HPCAL1: variants seen among roughly 807,000 people sequenced by gnomAD.
HPCAL1 encodes hippocalcin-like protein 1.
A neutral mutation model predicts 17.1 loss-of-function variants in HPCAL1; 8 were observed. The observed-to-expected ratio is 0.47, with a 90% confidence interval of 0.27 to 0.84. HPCAL1 has a LOEUF of 0.84. Ranked by LOEUF, HPCAL1 falls within the 40% of genes least tolerant of loss-of-function variation. HPCAL1 has a pLI of 0.13. For synonymous variants in HPCAL1, 112 were observed against 111.4 expected, an observed-to-expected ratio of 1.01 and a Z score of -0.03; for missense variants, 165 against 271.1, an observed-to-expected ratio of 0.61 and a Z score of 2.75.
chr2:10,348,255 G>A (rs1481781362), intron 1 of HPCAL1, among the ~76,000 whole-genome samples: 3 of 152,110 alleles, frequency 2.0e-5, no homozygotes, highest in African/African-American at 7.2e-5. Flanking sequence ...TTCAAGACCA[G>A]CCTGCCAACA....
chr2:10,322,863 G>A (rs528286813), intron 1 of HPCAL1, among the ~76,000 whole-genome samples: 93 of 152,290 alleles, frequency 6.1e-4, no homozygotes, highest in African/African-American at 1.9e-3. Flanking sequence ...CTAAGCCACC[G>A]CTTGTCACGT....
rs893912497 is a variant in HPCAL1, at chr2:10,310,132, C to T, written c.-111+6955C>T. Among the ~76,000 whole-genome samples the T allele has an allele frequency of 6.6e-6, 1 of 152,070 alleles. No homozygotes were observed. Among genetic ancestry groups the T allele is most frequent in the Non-Finnish European group, 1.5e-5 (1 of 68,020 alleles). On this transcript the variant is annotated intron_variant, in intron 1 of 4. Transcript: ENST00000307845. This position sits in a 1 kb window ranked among gnomAD's most constrained non-coding sequence, Gnocchi z 4.5. ...TGAGCTCAGATATTGACAGGAACTACAATTCAAACCCAGGTCTGCAGATGT... is the reference window on the plus strand; with the variant it reads ...TGAGCTCAGATATTGACAGGAACTATAATTCAAACCCAGGTCTGCAGATGT...
chr2:10,375,096 A>G (rs1196786979), intron 1 of HPCAL1, among the ~76,000 whole-genome samples: 2 of 152,138 alleles, frequency 1.3e-5, no homozygotes, highest in African/African-American at 4.8e-5. Context: ...AAAGTCACAG[A>G]AGAGAAAAGA....
intron 2 of HPCAL1, among the ~76,000 whole-genome samples, chr2:10,402,659 A>G (rs1016886317): frequency 3.9e-5 from 6 of 152,170 alleles, no homozygotes; most frequent in African/African-American, 1.4e-4. Flanking sequence ...TATTGTTTTT[A>G]TTGCTTCCCA....
chr2:10,427,030 C>T lies in HPCAL1; in HGVS notation c.*209C>T, dbSNP rs1671458399. 2 of 572,644 alleles carry T rather than the reference C, an allele frequency of 3.5e-6. No homozygotes were observed. Among genetic ancestry groups the T allele is most frequent in the Non-Finnish European group, 6.3e-6 (2 of 318,726 alleles). 35.5% of individuals were successfully genotyped at this position (572,644 alleles called of 1,614,324 possible). On this transcript the variant is annotated 3_prime_UTR_variant, in exon 5 of 5. Transcript: ENST00000307845. The stretch of plus-strand genomic sequence containing the variant: ...CCCCTCACGCCTGGCCCGGTCCCTT[C>T]CAGGGCAACTCCCAGGGATGTGGTG...
rs1668983761 is a variant in HPCAL1, at chr2:10,395,772, C to T, written c.-110-1063C>T. Among the ~76,000 whole-genome samples, 2 of 152,232 alleles carry T rather than the reference C, an allele frequency of 1.3e-5. No homozygotes were observed. The highest frequency in any genetic ancestry group is 4.1e-4 in the South Asian group (2 of 4,822). On this transcript the variant is annotated intron_variant, in intron 1 of 4. Coordinates refer to ENST00000307845, the MANE Select transcript of HPCAL1 (RefSeq NM_002149.4). The surrounding 1 kb of genome is among the most constrained non-coding windows in gnomAD (Gnocchi z 4.4). ...CACATGATCTTGCAGGTAATTAGCT[C>T]CTGTAAGCCTCCATTTTTCCCCGTC...
In HPCAL1 at chr2:10,427,457, C is replaced by T. The variant is rs1671493077; in HGVS notation, c.*636C>T. The T allele has an allele frequency of 6.6e-6, 1 of 152,376 alleles. No homozygotes were observed. Among genetic ancestry groups the T allele is most frequent in the Non-Finnish European group, 1.5e-5 (1 of 68,184 alleles). 9.4% of individuals were successfully genotyped at this position (152,376 alleles called of 1,614,324 possible). A position where few individuals can be genotyped will look rare whatever the true frequency, so the allele number is the denominator to read the frequency against. ...CTGGCTGTTGTGTGGTATTTATGCT[C>T]TCTTTGTCTGCCTGTTTCTAAGGAA... On this transcript the variant is annotated 3_prime_UTR_variant, in exon 5 of 5. Transcript: ENST00000307845.
Position 10,394,474 on chromosome 2 carries a change from G to T in HPCAL1, c.-110-2361G>T, listed in dbSNP as rs183022516. Among the ~76,000 whole-genome samples, 1 of 152,326 alleles carries T rather than the reference G, an allele frequency of 6.6e-6. No individual in the cohort carries two copies. Among genetic ancestry groups the T allele is most frequent in the Admixed American group, 6.5e-5 (1 of 15,302 alleles). On this transcript the variant is annotated intron_variant, in intron 1 of 4. Coordinates refer to ENST00000307845, the MANE Select transcript of HPCAL1 (RefSeq NM_002149.4). The surrounding 1 kb of genome is among the most constrained non-coding windows in gnomAD (Gnocchi z 5.0). Reference sequence around the variant, plus strand: ...TGGCTGAGATCATCGATTTGAAAACGCCGTGAGAAAATATGGGGCAAGGCA... The same window carrying T: ...TGGCTGAGATCATCGATTTGAAAACTCCGTGAGAAAATATGGGGCAAGGCA...
Position 10,305,310 on chromosome 2 carries a change from T to C in HPCAL1, c.-111+2133T>C, listed in dbSNP as rs548325965. 4.6e-5 allele frequency among the ~76,000 whole-genome samples: 7 copies of C among 152,362 alleles called. No homozygotes were observed. The South Asian group carries it at 8.3e-4, about 18-fold the overall frequency. The stretch of plus-strand genomic sequence containing the variant: ...TTTGTGTTTTGTTTTGTTTTTGTTT[T>C]TTTCTAGTTAAAGCCAGCCCTTTGT... On this transcript the variant is annotated intron_variant, in intron 1 of 4. Coordinates refer to ENST00000307845, the MANE Select transcript of HPCAL1 (RefSeq NM_002149.4).
intron 1 of HPCAL1, among the ~76,000 whole-genome samples, chr2:10,355,045 A>T (rs1452598617): frequency 2.6e-5 from 4 of 152,232 alleles, no homozygotes; most frequent in Non-Finnish European, 5.9e-5. Context: ...CAAAGTGGGC[A>T]TGTGTACCAT....
Position 10,330,849 on chromosome 2 carries a change from G to T in HPCAL1, c.-111+27672G>T, listed in dbSNP as rs6716076. On this transcript the variant is annotated intron_variant, in intron 1 of 4. Coordinates refer to ENST00000307845, the MANE Select transcript of HPCAL1 (RefSeq NM_002149.4). This position sits in a 1 kb window ranked among gnomAD's most constrained non-coding sequence, Gnocchi z 4.2. ...CAGTGTGTCTCCGACTGCGGACCCC[G>T]ATCATCTTTGTGAGAATGCAGGTTC... Among the ~76,000 whole-genome samples the T allele has an allele frequency of 6.6e-6, 1 of 152,178 alleles. No individual in the cohort carries two copies. Among genetic ancestry groups the T allele is most frequent in the Non-Finnish European group, 1.5e-5 (1 of 68,030 alleles).
intron 1 of HPCAL1, among the ~76,000 whole-genome samples, chr2:10,340,238 T>C (rs1289301613): frequency 2.6e-5 from 4 of 152,170 alleles, no homozygotes; most frequent in African/African-American, 7.2e-5. Flanking sequence ...GCTTAACATC[T>C]CTGATCCCAG....
chr2:10,328,647 A>T (rs897317907), intron 1 of HPCAL1, among the ~76,000 whole-genome samples: 2 of 150,818 alleles, frequency 1.3e-5, no homozygotes, highest in Non-Finnish European at 3.0e-5. Context: ...AGCTGGAGTG[A>T]CTCCACCGGC....
chr2:10,372,758 C>T (rs1301307208), intron 1 of HPCAL1, among the ~76,000 whole-genome samples: 3 of 152,216 alleles, frequency 2.0e-5, no homozygotes, highest in Admixed American at 6.5e-5. Context: ...CCTGTGGAGA[C>T]GGTGACAGCT....
rs572676684 is a variant in HPCAL1 at position 10,353,972 on chromosome 2, T to G, written c.-110-42863T>G. 4.6e-5 allele frequency among the ~76,000 whole-genome samples: 7 copies of G among 152,348 alleles called. No individual in the cohort carries two copies. In the South Asian group the frequency reaches 1.5e-3, roughly 32 times the overall value. ...CTGACCCCTGGTCTAGAATGTGGAA[T>G]GCTGGATCCCTGGGTTGAGGGACTA... is the stretch of plus-strand genomic sequence containing the variant. On this transcript the variant is annotated intron_variant, in intron 1 of 4. Coordinates refer to ENST00000307845, the MANE Select transcript of HPCAL1 (RefSeq NM_002149.4).
At chr2:10,371,361 G>A (rs1440648984) in intron 1 of HPCAL1, among the ~76,000 whole-genome samples, 1 of 138,742 alleles carries the variant, frequency 7.2e-6, no homozygotes, top group African/African-American at 2.8e-5. Context: ...TCCAAGAAGA[G>A]CTTTTCCTAA....
At chr2:10,424,419 G>A (rs940769881) in intron 4 of HPCAL1, 4 of 453,368 alleles carry the variant, frequency 8.8e-6, no homozygotes, top group African/African-American at 8.0e-5. Context: ...CGTGGGGATG[G>A]TGAATCCGGT....
At position 10,427,153 on chromosome 2, in the gene HPCAL1, T is replaced by C; in HGVS notation, c.*332T>C. On this transcript the variant is annotated 3_prime_UTR_variant, in exon 5 of 5. Transcript: ENST00000307845. ...GAGACCAGGCAGGACCTCCCGAGGC[T>C]GCGCCCCGGCCGGCCCATGCGTTTT... 1 of 279,956 alleles carries C rather than the reference T, an allele frequency of 3.6e-6. No individual in the cohort carries two copies. Among genetic ancestry groups the C allele is most frequent in the East Asian group, 8.8e-5 (1 of 11,324 alleles). 17.3% of individuals were successfully genotyped at this position (279,956 alleles called of 1,614,324 possible). A position where few individuals can be genotyped will look rare whatever the true frequency, so the allele number is the denominator to read the frequency against.
At chr2:10,358,489 A>T (rs1420743936) in intron 1 of HPCAL1, among the ~76,000 whole-genome samples, 1 of 152,030 alleles carries the variant, frequency 6.6e-6, no homozygotes, top group Non-Finnish European at 1.5e-5. Context: ...TCCCAAGACC[A>T]CCCTGGCCCA....
Sources: allele counts gnomAD v4.1 joint callset (sites outside exome capture counted in the v4.1 genomes callset), GRCh38; gene constraint gnomAD v4.1.1; non-coding constraint Gnocchi (gnomAD v3.1); transcripts MANE v1.5; gene names NCBI Gene and HGNC (gene_info 2026-07-23, HGNC 2026-07-21).